NCKAP5: variants seen among roughly 807,000 people sequenced by gnomAD.
NCKAP5 encodes the protein nck-associated protein 5.
A neutral mutation model predicts 167.0 loss-of-function variants in NCKAP5; 92 were observed. The ratio of observed to expected loss-of-function variants is 0.55; its 90% CI spans 0.47 to 0.66. NCKAP5 has a LOEUF of 0.66. NCKAP5 is among the 30% of genes least tolerant of loss of function. NCKAP5 has a pLI of 0.00. For synonymous variants in NCKAP5, 891 were observed against 877.4 expected, an observed-to-expected ratio of 1.02 and a Z score of -0.27; for missense variants, 2,378 against 2,315.0, an observed-to-expected ratio of 1.03 and a Z score of -0.56.
chr2:133,386,190 T>C (rs1686953430), intron 3 of NCKAP5, among the ~76,000 whole-genome samples: 3 of 152,252 alleles, frequency 2.0e-5, no homozygotes, highest in African/African-American at 2.4e-5. Context: ...CATTTAGTGC[T>C]ATAAATTTCC....
intron 17 of NCKAP5, 46 bp downstream of exon 17, chr2:132,731,691 T>G: frequency 6.6e-7 from 1 of 1,516,132 alleles, no homozygotes; most frequent in South Asian, 1.3e-5. Flanking sequence ...TTTCCCTTTT[T>G]TTTGTCAGCA....
At position 132,784,075 on chromosome 2, in the gene NCKAP5, C is replaced by G; in HGVS notation, c.2736G>C (p.Arg912Ser). The G allele has an allele frequency of 1.3e-6, 2 of 1,521,682 alleles. No homozygotes were observed. The highest frequency in any genetic ancestry group is 1.8e-6 in the Non-Finnish European group (2 of 1,137,014). The allele number at this position is 1,521,682 out of a possible 1,614,324, so 94.3% of individuals were successfully genotyped here. A position where few individuals can be genotyped will look rare whatever the true frequency, so the allele number is the denominator to read the frequency against. Residue 912 changes from arginine (R) to serine (S), a missense_variant, in exon 14 of 20, where the codon AGG (arginine) becomes AGC (serine). Physicochemically the swap from Arg to Ser is moderately radical, Grantham distance 110. Around this residue, in one of 3 missense-constraint regions of NCKAP5, gnomAD observed 1,325 missense variants for 1,274.5 expected, o/e 1.04. Transcript: ENST00000409261. Reference sequence around the variant, plus strand: ...CCGGCCCAGAGCCACAGTGTTCATCCCTCGTGGGGGGCTCTCCACTGTCAC... The same window carrying G: ...CCGGCCCAGAGCCACAGTGTTCATCGCTCGTGGGGGGCTCTCCACTGTCAC... ...ESSDSGEPPT[R>S]DEHCGSGPEA...
At chr2:133,008,357 G>A (rs151084747) in intron 6 of NCKAP5, among the ~76,000 whole-genome samples, 4 of 152,148 alleles carry the variant, frequency 2.6e-5, no homozygotes, top group African/African-American at 4.8e-5. Flanking sequence ...CCTCTGGTCC[G>A]GAAATCTTCA....
the NCKAP5 span, among the ~76,000 whole-genome samples, chr2:133,587,654 C>G: frequency 6.6e-6 from 1 of 152,326 alleles, no homozygotes; most frequent in African/African-American, 2.4e-5. Context: ...AACCAAAGTT[C>G]CTGCACAATG....
At chr2:133,097,734 C>T (rs2081386866) in intron 6 of NCKAP5, among the ~76,000 whole-genome samples, 1 of 152,178 alleles carries the variant, frequency 6.6e-6, no homozygotes, top group Admixed American at 6.5e-5. Flanking sequence ...TCTGATCCCA[C>T]AGAGACTGCA....
intron 6 of NCKAP5, among the ~76,000 whole-genome samples, chr2:133,108,432 C>T (rs758773731): frequency 5.3e-5 from 8 of 152,204 alleles, no homozygotes; most frequent in African/African-American, 7.2e-5. Context: ...CTTCATCAAA[C>T]GCAGTCACTC....
chr2:132,904,788 A>T (rs957056674), intron 8 of NCKAP5, among the ~76,000 whole-genome samples: 8 of 152,108 alleles, frequency 5.3e-5, no homozygotes, highest in African/African-American at 1.9e-4. Context: ...GTATTTTCTA[A>T]TCTGTGGATT....
At chr2:133,024,599 T>G (rs1010483710) in intron 6 of NCKAP5, among the ~76,000 whole-genome samples, 24 of 152,180 alleles carry the variant, frequency 1.6e-4, no homozygotes, top group African/African-American at 5.5e-4. Flanking sequence ...TTTTAAACAA[T>G]TATAATTTCC....
chr2:133,252,362 C>T (rs1169953586), intron 4 of NCKAP5, among the ~76,000 whole-genome samples: 1 of 152,138 alleles, frequency 6.6e-6, no homozygotes, highest in Non-Finnish European at 1.5e-5. Context: ...GAAGCAGTTG[C>T]AGAAAAGAGA....
chr2:133,221,870 T>G (rs910385151), intron 4 of NCKAP5, among the ~76,000 whole-genome samples: 2 of 152,238 alleles, frequency 1.3e-5, no homozygotes, highest in African/African-American at 4.8e-5. Flanking sequence ...CATTAAGTCT[T>G]TTGAATGCAA....
At chr2:132,727,050 G>A (rs746673722) in intron 18 of NCKAP5, among the ~76,000 whole-genome samples, 2 of 152,160 alleles carry the variant, frequency 1.3e-5, no homozygotes, top group South Asian at 2.1e-4. Context: ...TGCTTGAAAC[G>A]TTCCCTATCT....
chr2:133,331,385 C>T (rs1244746641), intron 3 of NCKAP5, among the ~76,000 whole-genome samples: 1 of 152,180 alleles, frequency 6.6e-6, no homozygotes, highest in Non-Finnish European at 1.5e-5. Flanking sequence ...CATAATAAAT[C>T]TGTCAATTAG....
chr2:133,111,083 CA>C (rs1448062959), intron 6 of NCKAP5, among the ~76,000 whole-genome samples: 5 of 152,118 alleles, frequency 3.3e-5, no homozygotes, highest in African/African-American at 1.2e-4. Context: ...CTAAAGGGTG[CA>C]TCTCCAAATA....
At chr2:133,364,326 T>C (rs1685314964) in intron 3 of NCKAP5, among the ~76,000 whole-genome samples, 1 of 152,192 alleles carries the variant, frequency 6.6e-6, no homozygotes, top group Non-Finnish European at 1.5e-5. Flanking sequence ...TTCTTGACTC[T>C]GAAGTGCTCT....
chr2:133,059,980 A>C lies in NCKAP5; in HGVS notation c.342-65741T>G, dbSNP rs1481276285. Among the ~76,000 whole-genome samples the C allele has an allele frequency of 2.0e-5, 3 of 152,232 alleles. No individual in the cohort carries two copies. In the East Asian group the frequency reaches 5.8e-4, roughly 29 times the overall value. Reference sequence around the variant, plus strand: ...AAAGAGAAAGTTCCCTCACCAACAAAATCAGCTGAATTAACCTGGTGACTA... The same window carrying C: ...AAAGAGAAAGTTCCCTCACCAACAACATCAGCTGAATTAACCTGGTGACTA... On this transcript the variant is annotated intron_variant, in intron 6 of 19. Transcript: ENST00000409261.
intron 11 of NCKAP5, among the ~76,000 whole-genome samples, chr2:132,815,663 A>G (rs1024276793): frequency 3.9e-5 from 6 of 152,222 alleles, no homozygotes; most frequent in African/African-American, 1.4e-4. Context: ...AAATTTAGTC[A>G]TTGTGTAACA....
At chr2:133,617,669 G>C in the NCKAP5 span, among the ~76,000 whole-genome samples, 1 of 150,800 alleles carries the variant, frequency 6.6e-6, no homozygotes, top group Non-Finnish European at 1.5e-5. Flanking sequence ...CAAACAAATG[G>C]AAGAACATCC....
rs148099894 is a variant in NCKAP5 at position 133,416,464 on chromosome 2, G to T, written c.69+100994C>A. Among the ~76,000 whole-genome samples the T allele has an allele frequency of 4.8e-3, 727 of 152,212 alleles. 3 individuals are homozygous for T. Among genetic ancestry groups the T allele is most frequent in the African/African-American group, 0.015 (610 of 41,530 alleles). ...CTTCATGATTTCTGAGAACCTGACA[G>T]CCATAAAAGAGAAAAAATGCTGTTT... On this transcript the variant is annotated intron_variant, in intron 3 of 19. Transcript: ENST00000409261.
intron 19 of NCKAP5, among the ~76,000 whole-genome samples, chr2:132,676,356 C>T (rs148352624): frequency 1.5e-3 from 215 of 145,638 alleles, no homozygotes; most frequent in African/African-American, 5.4e-3. Flanking sequence ...TTCCCTTCCC[C>T]CAGCTTTCTT....
Sources: gnomAD v4.1 joint callset for allele counts (sites outside exome capture counted in the v4.1 genomes callset) on GRCh38, gnomAD v4.1.1 for gene constraint, gnomAD v4.1.1 regional missense constraint, MANE v1.5 for transcripts, NCBI Gene and HGNC (gene_info 2026-07-23, HGNC 2026-07-21) for gene names.